The following ZNF577 variants were observed in gnomAD, a reference collection of about 807,000 sequenced individuals.
ZNF577 encodes zinc finger protein 577.
A neutral mutation model predicts 13.9 loss-of-function variants in ZNF577; 14 were observed. The observed-to-expected ratio is 1.00, with a 90% CI of 0.66 to 1.57. ZNF577 has a LOEUF of 1.57. Among genes scored for constraint, ZNF577 ranks in the 40% most tolerant of loss-of-function variants. The pLI, the probability that ZNF577 is intolerant of heterozygous loss-of-function variation, is 0.00. For synonymous variants in ZNF577, 203 were observed against 202.9 expected (o/e 1.00, Z 0.00); for missense variants, 555 against 579.2 (o/e 0.96, Z 0.43).
chr19:51,836,434 T>C (rs1484327616), intron 9 of ZNF577, among the ~76,000 whole-genome samples: 2 of 152,214 alleles, frequency 1.3e-5, no homozygotes, highest in Non-Finnish European at 2.9e-5. Context: ...CTCATTGTGG[T>C]TTTGATTTGC....
intron 5 of ZNF577, among the ~76,000 whole-genome samples, chr19:51,859,013 A>C (rs571516390): frequency 6.6e-6 from 1 of 152,172 alleles, no homozygotes; most frequent in Admixed American, 6.5e-5. Flanking sequence ...CTTCCCCTCT[A>C]GTGCCCAATA....
rs2084630467 is a variant in ZNF577 at position 51,869,836 on chromosome 19, G to C, written c.*2696C>G. Among the ~76,000 whole-genome samples the C allele has an allele frequency of 6.6e-6, 1 of 152,186 alleles. No individual in the cohort carries two copies. The highest frequency in any genetic ancestry group is 2.4e-5 in the African/African-American group (1 of 41,442). ...ACTTCCCATAAACCTCAACTGCCCA[G>C]CACAGGTGTCTCAAGCACTGCCCAT... On this transcript the variant is annotated 3_prime_UTR_variant, in exon 6 of 6. Coordinates refer to ENST00000638348, the MANE Select transcript of ZNF577 (RefSeq NM_001370449.1).
At chr19:51,826,212 CTG>C (rs1263537530) in intron 9 of ZNF577, 1 of 152,208 alleles carries the variant, frequency 6.6e-6, no homozygotes, top group African/African-American at 2.4e-5. Flanking sequence ...CATTTATAAT[CTG>C]TCTCACAGAT....
chr19:51,881,718 A>T (rs150943022), intron 1 of ZNF577, among the ~76,000 whole-genome samples: 183 of 152,278 alleles, frequency 1.2e-3, no homozygotes, highest in African/African-American at 4.3e-3. Context: ...TCACAGCTAC[A>T]CAAACAAGGG....
At chr19:51,846,813 C>A (rs1234696562) in intron 5 of ZNF577, among the ~76,000 whole-genome samples, 1 of 152,196 alleles carries the variant, frequency 6.6e-6, no homozygotes, top group East Asian at 1.9e-4. Context: ...TCATCCCACA[C>A]TGGCACTGTG....
At chr19:51,831,192 C>T (rs749548026) in intron 9 of ZNF577, among the ~76,000 whole-genome samples, 2 of 152,002 alleles carry the variant, frequency 1.3e-5, no homozygotes, top group African/African-American at 4.8e-5. Context: ...CTTCACTCAC[C>T]GCAACCTCTG....
chr19:51,840,301 T>C (rs2084313469), intron 8 of ZNF577, among the ~76,000 whole-genome samples: 1 of 152,154 alleles, frequency 6.6e-6, no homozygotes, highest in Admixed American at 6.5e-5. Context: ...GCTGCACCTA[T>C]TTAGCCCCAT....
chr19:51,846,473 C>T (rs970121849), intron 5 of ZNF577, among the ~76,000 whole-genome samples: 7 of 152,076 alleles, frequency 4.6e-5, no homozygotes, highest in Non-Finnish European at 8.8e-5. Flanking sequence ...TTTGGGAGGC[C>T]GAGGCCGGTG....
chr19:51,804,697 A>G (rs1442128117), downstream of ZNF577: 1 of 152,196 alleles, frequency 6.6e-6, no homozygotes, highest in East Asian at 1.9e-4. Flanking sequence ...ATGAGGATCT[A>G]TCGAGCACCC....
chr19:51,873,197 T>C lies in ZNF577; in HGVS notation c.793A>G (p.Thr265Ala). The C allele has an allele frequency of 1.2e-6, 2 of 1,614,044 alleles. No homozygotes were observed. Among genetic ancestry groups the C allele is most frequent in the Non-Finnish European group, 8.5e-7 (1 of 1,179,988 alleles). The stretch of plus-strand genomic sequence containing the variant: ...CTGCACCCATAGAGTTTCTCTCCAG[T>C]ATGTGATCGCTGATGTCTATTGAGC... The part of the protein sequence containing the change: ...CRLNRHQRSH[T>A]GEKLYGCSVC... Residue 265 changes from threonine to alanine, a missense_variant, in exon 6 of 6, where the codon ACT becomes GCT. Physicochemically the swap from Thr to Ala is moderately conservative, Grantham distance 58. Transcript: ENST00000638348.
At chr19:51,808,067 T>C (rs1441934720) in intron 10 of ZNF577, among the ~76,000 whole-genome samples, 2 of 152,240 alleles carry the variant, frequency 1.3e-5, no homozygotes, top group African/African-American at 4.8e-5. Flanking sequence ...ATGAGGCATG[T>C]CTCTGCTGTA....
rs2084614607 is a variant in ZNF577 at position 51,869,169 on chromosome 19, C to A, written c.*3363G>T. 6.6e-6 allele frequency among the ~76,000 whole-genome samples: 1 copy of A among 152,094 alleles called. No individual in the cohort carries two copies. The highest frequency in any genetic ancestry group is 6.5e-5 in the Admixed American group (1 of 15,278). On this transcript the variant is annotated 3_prime_UTR_variant, in exon 6 of 6. Coordinates refer to ENST00000638348, the MANE Select transcript of ZNF577 (RefSeq NM_001370449.1). Reference sequence around the variant, plus strand: ...AGGAGGATTAGTGAAAGAGGAAGGCCTCTTTGCAGTTGAGATAAGAGGAAG... The same window carrying A: ...AGGAGGATTAGTGAAAGAGGAAGGCATCTTTGCAGTTGAGATAAGAGGAAG...
intron 9 of ZNF577, among the ~76,000 whole-genome samples, chr19:51,828,694 A>G (rs769069650): frequency 2.0e-5 from 3 of 152,180 alleles, no homozygotes; most frequent in Non-Finnish European, 4.4e-5. Flanking sequence ...ATACTTCCCA[A>G]TGTATGTCCA....
downstream of ZNF577, chr19:51,804,796 C>T (rs2122420550): frequency 6.6e-6 from 1 of 152,210 alleles, no homozygotes; most frequent in Non-Finnish European, 1.5e-5. Flanking sequence ...GAATAAAAGA[C>T]AAGAGACAAA....
chr19:51,839,545 A>G (rs1385007652), intron 9 of ZNF577, among the ~76,000 whole-genome samples: 2 of 152,196 alleles, frequency 1.3e-5, no homozygotes, highest in Non-Finnish European at 2.9e-5. Flanking sequence ...GTGTACTTGA[A>G]AGGTTTCAGT....
rs114317344 is a variant in ZNF577 at position 51,847,690 on chromosome 19, C to T, written c.284-2759G>A. On this transcript the variant is annotated intron_variant and NMD_transcript_variant, in intron 5 of 10. Coordinates refer to the ZNF577 transcript ENST00000638827. ...CTAAAAGCCCTCAACAACCCCGAAG[C>T]GGCCTTAAACGGCAACCCCAGATGG... 3.3e-3 allele frequency among the ~76,000 whole-genome samples: 503 copies of T among 152,192 alleles called. 1 individual carries two copies. The highest frequency in any genetic ancestry group is 0.012 in the African/African-American group (483 of 41,506).
intron 9 of ZNF577, among the ~76,000 whole-genome samples, chr19:51,838,410 T>A (rs2084299968): frequency 6.6e-6 from 1 of 151,738 alleles, no homozygotes; most frequent in Non-Finnish European, 1.5e-5. Context: ...AAAAAGCCAA[T>A]GGTTAAATAT....
Position 51,824,933 on chromosome 19 carries a change from T to C in ZNF577, c.*600-13259A>G. 1 of 787,650 alleles carries C rather than the reference T, an allele frequency of 1.3e-6. No individual in the cohort carries two copies. The highest frequency in any genetic ancestry group is 1.9e-5 in the South Asian group (1 of 53,134). The allele number at this position is 787,650 out of a possible 1,614,324, so 48.8% of individuals were successfully genotyped here. A position where few individuals can be genotyped will look rare whatever the true frequency, so the allele number is the denominator to read the frequency against. Reference sequence around the variant, plus strand: ...ACCACAATCATCAACATAAAGGAAGTCTGTACCAAATCTGTAGGGGGTTTT... The same window carrying C: ...ACCACAATCATCAACATAAAGGAAGCCTGTACCAAATCTGTAGGGGGTTTT... On this transcript the variant is annotated intron_variant and NMD_transcript_variant, in intron 9 of 10. Coordinates refer to the ZNF577 transcript ENST00000638827. This position sits in a 1 kb window ranked among gnomAD's most constrained non-coding sequence, Gnocchi z 4.7.
chr19:51,834,944 C>G (rs2084280895), intron 9 of ZNF577, among the ~76,000 whole-genome samples: 1 of 152,152 alleles, frequency 6.6e-6, no homozygotes, highest in Non-Finnish European at 1.5e-5. Flanking sequence ...CTGAGCCTCC[C>G]TTACAGGGGA....
Sources: gnomAD v4.1 joint callset for allele counts (sites outside exome capture counted in the v4.1 genomes callset) on GRCh38, gnomAD v4.1.1 for gene constraint, Gnocchi (gnomAD v3.1) non-coding constraint, MANE v1.5 for transcripts, NCBI Gene and HGNC (gene_info 2026-07-23, HGNC 2026-07-21) for gene names.